Variants in TMPRSS11E observed in about 807,000 individuals in gnomAD.
The protein encoded by TMPRSS11E is transmembrane serine protease 11E, also known as transmembrane protease serine 11E.
A neutral mutation model predicts 48.1 loss-of-function variants in TMPRSS11E; 38 were observed. That is an observed-to-expected ratio of 0.79 (90% CI 0.61 to 1.04). The LOEUF is 1.04. TMPRSS11E is among the 50% of genes least tolerant of loss of function. TMPRSS11E has a pLI of 0.00. For synonymous variants in TMPRSS11E, 158 were observed against 171.9 expected (o/e 0.92, Z 0.63); for missense variants, 530 against 510.8 (o/e 1.04, Z -0.36).
chr4:68,490,629 T>C (rs550479901), intron 9 of TMPRSS11E, among the ~76,000 whole-genome samples: 2 of 152,304 alleles, frequency 1.3e-5, no homozygotes, highest in African/African-American at 4.8e-5. Flanking sequence ...GTGATTTCAT[T>C]ACTGCTTCGC....
At position 68,471,511 on chromosome 4, in the gene TMPRSS11E, C is replaced by T; in HGVS notation, c.378C>T (p.His126=). The T allele has an allele frequency of 1.9e-6, 3 of 1,605,950 alleles. No homozygotes were observed. Among genetic ancestry groups the T allele is most frequent in the Non-Finnish European group, 2.5e-6 (3 of 1,176,772 alleles). The change falls in exon 5 of 10, where the codon CAC becomes CAT. Residue 126 remains histidine, a synonymous_variant. Transcript: ENST00000305363. ...LAHMLLICRF[H]STEDPETVDK... is the part of the protein sequence containing the mutation. ...ATATGCTGTTGATTTGTAGATTTCA[C>T]TCTACTGAGGATCCTGAAACTGTAG...
rs983980893 is a variant in TMPRSS11E, at chr4:68,476,046, C to A, written c.530-215C>A. Among the ~76,000 whole-genome samples, 11 of 151,994 alleles carry A rather than the reference C, an allele frequency of 7.2e-5. No individual in the cohort carries two copies. In the East Asian group the frequency reaches 1.4e-3, roughly 19 times the overall value. On this transcript the variant is annotated intron_variant, in intron 6 of 9. Coordinates refer to ENST00000305363, the MANE Select transcript of TMPRSS11E (RefSeq NM_014058.4). The stretch of plus-strand genomic sequence containing the variant: ...GAGACAGGGGAGTTAGAGAAAGCAT[C>A]CTAGAGAGGTAACAACTGATTTAGA...
At chr4:68,484,731 T>C (rs1729503547) in intron 9 of TMPRSS11E, among the ~76,000 whole-genome samples, 1 of 152,222 alleles carries the variant, frequency 6.6e-6, no homozygotes, top group Admixed American at 6.5e-5. Flanking sequence ...GATTGCACTC[T>C]TGATTTGGCT....
chr4:68,448,181 A>G (rs1225314516), intron 1 of TMPRSS11E, among the ~76,000 whole-genome samples: 1 of 151,942 alleles, frequency 6.6e-6, no homozygotes, highest in Non-Finnish European at 1.5e-5. Flanking sequence ...AAATAATTTT[A>G]TCTCCTGATT....
rs554211020 is a variant in TMPRSS11E at position 68,479,478 on chromosome 4, T to A, written c.1110+487T>A. Among the ~76,000 whole-genome samples the A allele has an allele frequency of 4.7e-5, 7 of 149,962 alleles. No homozygotes were observed. In the East Asian group the frequency reaches 1.2e-3, roughly 25 times the overall value. ...TAGTGGTTCCTTTAAGTTATATATA[T>A]GTGTATATAAATATATATTTATTTA... On this transcript the variant is annotated intron_variant, in intron 9 of 9. Coordinates refer to ENST00000305363, the MANE Select transcript of TMPRSS11E (RefSeq NM_014058.4).
intron 9 of TMPRSS11E, among the ~76,000 whole-genome samples, chr4:68,490,170 T>C (rs1729676891): frequency 6.6e-6 from 1 of 152,136 alleles, no homozygotes; most frequent in Non-Finnish European, 1.5e-5. Context: ...GTTACCAGCT[T>C]CCTTCCCTTT....
chr4:68,463,858 C>T (rs1013170429), intron 2 of TMPRSS11E, among the ~76,000 whole-genome samples: 3 of 152,106 alleles, frequency 2.0e-5, no homozygotes, highest in African/African-American at 4.8e-5. Context: ...GGCCATACTT[C>T]GGCTTGTCTG....
In TMPRSS11E at chr4:68,471,470, CAT is replaced by C. The variant is rs1729065789; in HGVS notation, c.338_339del (p.His113ArgfsTer11). 7.2e-7 allele frequency: 1 copy of C among 1,384,330 alleles called. No homozygotes were observed. Among genetic ancestry groups the C allele is most frequent in the Admixed American group, 2.3e-5 (1 of 43,648 alleles). 85.8% of individuals were successfully genotyped at this position (1,384,330 alleles called of 1,614,324 possible). ...SQVIKFSQQK[H>X]GVLAHMLLIC... ...TTTTTTGGCCCACAGTCAACAGAAG[CAT>C]GGAGTGTTGGCTCATATGCTGTTGA... On this transcript the variant is annotated frameshift_variant, in exon 5 of 10. Coordinates refer to ENST00000305363, the MANE Select transcript of TMPRSS11E (RefSeq NM_014058.4). LOFTEE classifies it high-confidence loss of function.
At chr4:68,451,926 G>T (rs923347801) in intron 1 of TMPRSS11E, among the ~76,000 whole-genome samples, 2 of 151,902 alleles carry the variant, frequency 1.3e-5, no homozygotes, top group Non-Finnish European at 2.9e-5. Context: ...TCCTTTGTCT[G>T]CCTAAGTGGT....
chr4:68,483,342 G>A (rs1729462963), intron 9 of TMPRSS11E, among the ~76,000 whole-genome samples: 1 of 152,190 alleles, frequency 6.6e-6, no homozygotes, highest in Non-Finnish European at 1.5e-5. Flanking sequence ...GCACTATGCT[G>A]TCAGGGATCC....
At chr4:68,479,229 A>G (rs571454045) in intron 9 of TMPRSS11E, among the ~76,000 whole-genome samples, 2 of 152,232 alleles carry the variant, frequency 1.3e-5, no homozygotes, top group African/African-American at 2.4e-5. Flanking sequence ...GATTTGTGTA[A>G]CCACCACTAC....
chr4:68,486,267 G>A (rs181039957), intron 9 of TMPRSS11E, among the ~76,000 whole-genome samples: 52 of 152,238 alleles, frequency 3.4e-4, no homozygotes, highest in African/African-American at 1.2e-3. Flanking sequence ...TCTTTTCGAT[G>A]TTGGCATTTT....
chr4:68,485,142 GT>G (rs549396915), intron 9 of TMPRSS11E, among the ~76,000 whole-genome samples: 1 of 151,698 alleles, frequency 6.6e-6, no homozygotes, highest in Non-Finnish European at 1.5e-5. Context: ...TTAGTTCAAG[GT>G]TTTTTTCTTT....
At position 68,468,966 on chromosome 4, in the gene TMPRSS11E, T is replaced by A; in HGVS notation, c.326+20T>A. The A allele has an allele frequency of 6.3e-7, 1 of 1,584,752 alleles. No homozygotes were observed. The highest frequency in any genetic ancestry group is 8.7e-7 in the Non-Finnish European group (1 of 1,154,694). On this transcript the variant is annotated intron_variant, in intron 4 of 9. Coordinates refer to ENST00000305363, the MANE Select transcript of TMPRSS11E (RefSeq NM_014058.4). ...GTTCAGGTATGTAAATCTGAATTGCTGACTTCTGAATTTAAAGTTGAAGCT... is the reference window on the plus strand; with the variant it reads ...GTTCAGGTATGTAAATCTGAATTGCAGACTTCTGAATTTAAAGTTGAAGCT...
chr4:68,463,125 C>T (rs1216441002), intron 2 of TMPRSS11E, among the ~76,000 whole-genome samples: 1 of 152,154 alleles, frequency 6.6e-6, no homozygotes, highest in Non-Finnish European at 1.5e-5. Flanking sequence ...ACTCTGTAAC[C>T]TGGTTATCTT....
At chr4:68,478,472 T>TTTTTA (rs878907082) in intron 8 of TMPRSS11E, among the ~76,000 whole-genome samples, 1 of 144,384 alleles carries the variant, frequency 6.9e-6, no homozygotes. Flanking sequence ...TTTTTTTTTT[T>TTTTTA]AAGATGGGGC....
In TMPRSS11E at chr4:68,459,361, T is replaced by A. The variant is rs191967220; in HGVS notation, c.12-2460T>A. Among the ~76,000 whole-genome samples, 299 of 152,214 alleles carry A rather than the reference T, an allele frequency of 2.0e-3. 1 individual carries two copies. The highest frequency in any genetic ancestry group is 6.7e-3 in the African/African-American group (279 of 41,550). On this transcript the variant is annotated intron_variant, in intron 1 of 9. Coordinates refer to ENST00000305363, the MANE Select transcript of TMPRSS11E (RefSeq NM_014058.4). ...CCTATGTCTCTCGCTCTCTTTTTTTTAATTCAAACGCCATAATGTTGTTCT... is the reference window on the plus strand; with the variant it reads ...CCTATGTCTCTCGCTCTCTTTTTTTAAATTCAAACGCCATAATGTTGTTCT...
chr4:68,489,368 C>T (rs1178191987), intron 9 of TMPRSS11E, among the ~76,000 whole-genome samples: 1 of 152,172 alleles, frequency 6.6e-6, no homozygotes, highest in African/African-American at 2.4e-5. Context: ...TCCTGGTCCA[C>T]TGGCAACAAA....
intron 9 of TMPRSS11E, among the ~76,000 whole-genome samples, chr4:68,487,941 CAAAAAAAAAAA>C (rs56299530): frequency 1.1e-5 from 1 of 89,974 alleles, no homozygotes; most frequent in South Asian, 4.2e-4. Flanking sequence ...GACTCTGTCT[CAAAAAAAAAAA>C]AAAAAAAAAA....
Sources: allele counts gnomAD v4.1 joint callset (sites outside exome capture counted in the v4.1 genomes callset), GRCh38; gene constraint gnomAD v4.1.1; transcripts MANE v1.5; gene names NCBI Gene and HGNC (gene_info 2026-07-23, HGNC 2026-07-21).